DLGAP1: variants seen among roughly 807,000 people sequenced by gnomAD.
DLGAP1 encodes the protein disks large-associated protein 1.
In DLGAP1, 11 loss-of-function variants were observed where a neutral mutation model predicts 90.8. The observed-to-expected ratio is 0.12, with a 90% CI of 0.08 to 0.20. DLGAP1 has a LOEUF of 0.20. DLGAP1 is among the 10% of genes least tolerant of loss of function. DLGAP1 has a pLI of 1.00. For missense variants in DLGAP1, 1,050 were observed against 1,333.8 expected (o/e 0.79, Z 3.31); for synonymous variants, 558 against 540.7 (o/e 1.03, Z -0.44).
At chr18:4,083,459 A>C (rs1335127943) in intron 2 of DLGAP1, among the ~76,000 whole-genome samples, 2 of 152,216 alleles carry the variant, frequency 1.3e-5, no homozygotes, top group Non-Finnish European at 1.5e-5. Flanking sequence ...ATTTTGGTAC[A>C]TATCATTTTA....
chr18:3,865,955 A>G (rs755375234), intron 4 of DLGAP1, among the ~76,000 whole-genome samples: 4 of 152,148 alleles, frequency 2.6e-5, no homozygotes, highest in Non-Finnish European at 5.9e-5. Flanking sequence ...CATGGGATGG[A>G]GATGAAAAGA....
chr18:4,030,262 T>C (rs1333822182), intron 2 of DLGAP1, among the ~76,000 whole-genome samples: 2 of 152,210 alleles, frequency 1.3e-5, no homozygotes, highest in African/African-American at 4.8e-5. Context: ...AATATTTTTG[T>C]CTGTCTTATT....
chr18:4,318,385 G>A (rs2080587165), intron 1 of DLGAP1, among the ~76,000 whole-genome samples: 1 of 152,124 alleles, frequency 6.6e-6, no homozygotes, highest in African/African-American at 2.4e-5. Context: ...AAACCATGAA[G>A]CTGCCCTGCT....
rs1007505241 is a variant in DLGAP1 at position 4,432,924 on chromosome 18, C to CT, written c.-267+22081dup. On this transcript the variant is annotated intron_variant, in intron 1 of 12. Transcript: ENST00000315677. Reference sequence around the variant, plus strand: ...AAGTGTACAATCAGTTCATATAGGTCTTTTTAAAAAAAACACTAAGTTATT... The same window carrying CT: ...AAGTGTACAATCAGTTCATATAGGTCTTTTTTAAAAAAAACACTAAGTTATT... 1.2e-3 allele frequency among the ~76,000 whole-genome samples: 177 copies of CT among 151,960 alleles called. 2 individuals carry two copies. Among genetic ancestry groups the CT allele is most frequent in the African/African-American group, 3.5e-3 (143 of 41,320 alleles).
chr18:3,925,257 C>T (rs1207431596), intron 3 of DLGAP1, among the ~76,000 whole-genome samples: 5 of 151,108 alleles, frequency 3.3e-5, no homozygotes, highest in Non-Finnish European at 1.5e-5. Flanking sequence ...CCAGCAGCTG[C>T]ATTTTTATCT....
At chr18:4,336,138 C>T (rs566661201) in intron 1 of DLGAP1, among the ~76,000 whole-genome samples, 4 of 152,300 alleles carry the variant, frequency 2.6e-5, no homozygotes. Context: ...GCCCTCCTGA[C>T]CCACACACCA....
chr18:3,733,196 T>C (rs1200234838), intron 6 of DLGAP1, among the ~76,000 whole-genome samples: 1 of 152,228 alleles, frequency 6.6e-6, no homozygotes, highest in East Asian at 1.9e-4. Context: ...AGTTGTGCTA[T>C]ATTTACATTG....
intron 7 of DLGAP1, among the ~76,000 whole-genome samples, chr18:3,609,901 T>C (rs1044653189): frequency 2.1e-5 from 3 of 144,552 alleles, no homozygotes; most frequent in African/African-American, 5.1e-5. Context: ...CTACTAAAAA[T>C]ACAAAAATTA....
chr18:4,394,955 T>C (rs1190296292), intron 1 of DLGAP1, among the ~76,000 whole-genome samples: 1 of 152,202 alleles, frequency 6.6e-6, no homozygotes, highest in African/African-American at 2.4e-5. Flanking sequence ...CATTTGGTAC[T>C]GAAAGTTAGT....
In DLGAP1 at chr18:3,879,164, G is replaced by A. The variant is rs146753741; in HGVS notation, c.905C>T (p.Ala302Val). ...CTGACACGACTCGGACTTCACCATG[G>A]CCTGGTCCATGTTCACCGAGGCCTT... is the stretch of plus-strand genomic sequence containing the variant. ...YQKASVNMDQ[A>V]MVKSESCQQE... is the part of the protein sequence containing the mutation. The change falls in exon 4 of 13, where the codon GCC (alanine) becomes GTC (valine). Residue 302 changes from alanine (A) to valine (V), a missense_variant. Physicochemically the swap from Ala to Val is moderately conservative, Grantham distance 64. Coordinates refer to ENST00000315677, the MANE Select transcript of DLGAP1 (RefSeq NM_004746.4). The surrounding 1 kb of genome is among the most constrained non-coding windows in gnomAD (Gnocchi z 6.6). The A allele has an allele frequency of 8.6e-4, 1,307 of 1,516,682 alleles. No homozygotes were observed. Among genetic ancestry groups the A allele is most frequent in the Non-Finnish European group, 1.0e-3 (1,173 of 1,132,858 alleles). The allele number at this position is 1,516,682 out of a possible 1,614,324, so 94.0% of individuals were successfully genotyped here. A position where few individuals can be genotyped will look rare whatever the true frequency, so the allele number is the denominator to read the frequency against.
chr18:3,772,264 CTCTT>C (rs1440770476), intron 5 of DLGAP1, among the ~76,000 whole-genome samples: 2 of 142,860 alleles, frequency 1.4e-5, no homozygotes, highest in Non-Finnish European at 3.0e-5. Flanking sequence ...CTTTCTTTCT[CTCTT>C]TCCTTCCTTT....
intron 2 of DLGAP1, among the ~76,000 whole-genome samples, chr18:4,048,652 G>T (rs1264859317): frequency 6.6e-6 from 1 of 152,168 alleles, no homozygotes; most frequent in Non-Finnish European, 1.5e-5. Flanking sequence ...GCCTGCACTA[G>T]ATCAATCTTT....
intron 3 of DLGAP1, among the ~76,000 whole-genome samples, chr18:3,956,404 C>T (rs2096191854): frequency 6.6e-6 from 1 of 151,136 alleles, no homozygotes; most frequent in Non-Finnish European, 1.5e-5. Context: ...GGCTGGAGTG[C>T]AGTGGCGTGA....
intron 1 of DLGAP1, among the ~76,000 whole-genome samples, chr18:4,229,373 A>G (rs1229690237): frequency 3.3e-5 from 5 of 152,230 alleles, no homozygotes; most frequent in South Asian, 2.1e-4. Context: ...AGCCAAAGCT[A>G]TCCTGAGCAA....
Position 3,742,531 on chromosome 18 carries a change from A to G in DLGAP1, c.1173-19T>C. 6.2e-7 allele frequency: 1 copy of G among 1,613,540 alleles called. No individual in the cohort carries two copies. Among genetic ancestry groups the G allele is most frequent in the South Asian group, 1.1e-5 (1 of 91,054 alleles). On this transcript the variant is annotated intron_variant, in intron 5 of 12. Transcript: ENST00000315677. ...GGAGATTCTGGAAGGGAACAATGGA[A>G]GAGGTGCATTAGTCACATTCCAAAA... is the stretch of plus-strand genomic sequence containing the variant.
intron 1 of DLGAP1, among the ~76,000 whole-genome samples, chr18:4,307,637 C>T (rs1327605143): frequency 6.6e-6 from 1 of 151,328 alleles, no homozygotes; most frequent in Non-Finnish European, 1.5e-5. Context: ...CAGAGCCAGG[C>T]GGCAGGGCCT....
chr18:3,832,973 C>T (rs2068115007), intron 4 of DLGAP1, among the ~76,000 whole-genome samples: 1 of 152,082 alleles, frequency 6.6e-6, no homozygotes, highest in Non-Finnish European at 1.5e-5. Context: ...TAAATTTTGA[C>T]CTGCTTTCAG....
intron 7 of DLGAP1, among the ~76,000 whole-genome samples, chr18:3,632,204 A>C (rs1323343671): frequency 6.6e-6 from 1 of 152,104 alleles, no homozygotes; most frequent in Non-Finnish European, 1.5e-5. Flanking sequence ...TTTCTTCTAC[A>C]TAAAATAAAT....
intron 5 of DLGAP1, among the ~76,000 whole-genome samples, chr18:3,808,015 T>C (rs1178820393): frequency 1.3e-5 from 2 of 152,182 alleles, no homozygotes; most frequent in Non-Finnish European, 2.9e-5. Context: ...GCCCACATCA[T>C]TTGGAGGAGG....
Sources: allele counts gnomAD v4.1 joint callset (sites outside exome capture counted in the v4.1 genomes callset), GRCh38; gene constraint gnomAD v4.1.1; non-coding constraint Gnocchi (gnomAD v3.1); transcripts MANE v1.5; gene names NCBI Gene and HGNC (gene_info 2026-07-23, HGNC 2026-07-21).